Variants in RBM22 observed in about 807,000 individuals in gnomAD.
The protein encoded by RBM22 is pre-mRNA-splicing factor RBM22.
RBM22 carries 1 observed loss-of-function variant against 50.1 expected under a neutral mutation model. The observed-to-expected ratio is 0.02, with a 90% CI of 0.01 to 0.09. The LOEUF (loss-of-function observed/expected upper bound fraction) is 0.09, where lower values mean the gene tolerates loss of function less well. RBM22 is among the 10% of genes least tolerant of loss of function. The pLI, the probability that RBM22 is intolerant of heterozygous loss-of-function variation, is 1.00. For missense variants in RBM22, 264 were observed against 529.3 expected, an observed-to-expected ratio of 0.50 and a Z score of 4.92; for synonymous variants, 152 against 179.0, an observed-to-expected ratio of 0.85 and a Z score of 1.20.
At chr5:150,698,653 A>T in intron 3 of RBM22, 22 bp from the exon 4 acceptor site, 1 of 1,613,202 alleles carries the variant, frequency 6.2e-7, no homozygotes, top group Non-Finnish European at 8.5e-7. Context: ...AGCAAGAGCC[A>T]TAGAATGTCA....
At chr5:150,695,101 A>T (rs1026525579) in intron 7 of RBM22, among the ~76,000 whole-genome samples, 1 of 152,206 alleles carries the variant, frequency 6.6e-6, no homozygotes, top group Non-Finnish European at 1.5e-5. Context: ...ATCACAGCTC[A>T]CTGCAGCCTT....
chr5:150,697,976 G>GAC (rs140716152), intron 4 of RBM22, among the ~76,000 whole-genome samples: 24 of 151,970 alleles, frequency 1.6e-4, no homozygotes, highest in African/African-American at 1.9e-4. Flanking sequence ...GCAAAATAGT[G>GAC]ACACACACAC....
At position 150,696,185 on chromosome 5, in the gene RBM22, C is replaced by T. The variant is rs1463825150; in HGVS notation, c.545+348G>A. On this transcript the variant is annotated intron_variant, in intron 6 of 10. Coordinates refer to ENST00000199814, the MANE Select transcript of RBM22 (RefSeq NM_018047.3). This position sits in a 1 kb window ranked among gnomAD's most constrained non-coding sequence, Gnocchi z 4.3. ...TAATCCAGATGCTTGGCAGTCTTAACCAAAACATACACACCCTTTAGAAGT... is the reference window on the plus strand; with the variant it reads ...TAATCCAGATGCTTGGCAGTCTTAATCAAAACATACACACCCTTTAGAAGT... 1.3e-5 allele frequency among the ~76,000 whole-genome samples: 2 copies of T among 151,910 alleles called. No homozygotes were observed. The highest frequency in any genetic ancestry group is 2.4e-5 in the African/African-American group (1 of 41,332).
At chr5:150,699,894 C>A (rs913228897) in intron 2 of RBM22, among the ~76,000 whole-genome samples, 1 of 152,204 alleles carries the variant, frequency 6.6e-6, no homozygotes, top group Non-Finnish European at 1.5e-5. Context: ...ACATCTTGAA[C>A]CATTCAAACA....
At chr5:150,699,100 A>G (rs1759312419) in intron 3 of RBM22, 142 bp downstream of exon 3, 25 of 1,186,984 alleles carry the variant, frequency 2.1e-5, no homozygotes, top group Non-Finnish European at 2.9e-5. Flanking sequence ...GTTGCCAGCC[A>G]ATGAATATAT....
chr5:150,699,857 AT>A (rs1177909454), intron 2 of RBM22, among the ~76,000 whole-genome samples: 1 of 152,246 alleles, frequency 6.6e-6, no homozygotes, highest in Non-Finnish European at 1.5e-5. Flanking sequence ...AATATAGTAA[AT>A]GTTCTGTTTA....
chr5:150,695,739 T>A, intron 6 of RBM22, 33 bp from the exon 7 acceptor site: 1 of 1,536,008 alleles, frequency 6.5e-7, no homozygotes, highest in Non-Finnish European at 8.9e-7. Context: ...GGCATAAAGG[T>A]GAAACGAAGG....
At chr5:150,699,633 A>G (rs1000705188) in intron 2 of RBM22, among the ~76,000 whole-genome samples, 7 of 152,346 alleles carry the variant, frequency 4.6e-5, no homozygotes, top group African/African-American at 1.7e-4. Context: ...GAAAAAAGAA[A>G]TAGAGTATAT....
Position 150,691,836 on chromosome 5 carries a change from A to G in RBM22, c.1178T>C (p.Phe393Ser), listed in dbSNP as rs145000621. ...GTGGATTGGTCCTGGAGCCCGCATG[A>G]AAGGAGGGGGTGGTCCCATTGGGTG... ...MFHPMGPPPP[F>S]MRAPGPIHYP... The change falls in exon 11 of 11, where the codon TTC becomes TCC. Residue 393 changes from phenylalanine (F) to serine (S), a missense_variant. By Grantham distance (155) the Phe-to-Ser change is radical. Transcript: ENST00000199814. The G allele has an allele frequency of 2.4e-5, 39 of 1,601,042 alleles. No homozygotes were observed. The highest frequency in any genetic ancestry group is 3.2e-5 in the Non-Finnish European group (38 of 1,173,814).
chr5:150,691,899 C>T lies in RBM22; in HGVS notation c.1133-18G>A, dbSNP rs771108118. On this transcript the variant is annotated intron_variant, in intron 10 of 10. Transcript: ENST00000199814. ...CCCAAAACCTGCAGATACGAGAGAA[C>T]AAATGTGTTAGGCTGGTAGTTTCCT... The T allele has an allele frequency of 6.5e-7, 1 of 1,537,846 alleles. No individual in the cohort carries two copies. Among genetic ancestry groups the T allele is most frequent in the Non-Finnish European group, 8.8e-7 (1 of 1,140,664 alleles).
intron 4 of RBM22, 133 bp downstream of exon 4, chr5:150,698,366 G>T: frequency 1.7e-6 from 2 of 1,207,256 alleles, no homozygotes; most frequent in East Asian, 2.4e-5. Context: ...CTTTTCCTGG[G>T]AAAAGCAGAC....
intron 1 of RBM22, 171 bp downstream of exon 1, chr5:150,700,761 C>T (rs1759337566): frequency 1.9e-6 from 3 of 1,546,404 alleles, no homozygotes; most frequent in Non-Finnish European, 2.6e-6. Context: ...AGCCCCCTCC[C>T]TTCAAGCCCG....
At chr5:150,699,159 C>A in intron 3 of RBM22, 83 bp downstream of exon 3, 1 of 1,515,612 alleles carries the variant, frequency 6.6e-7, no homozygotes, top group African/African-American at 1.4e-5. Flanking sequence ...TGGAAGACCT[C>A]AAAACTTAGT....
rs760298553 is a variant in RBM22, at chr5:150,700,611, G to A, written c.55-114C>T. 9.6e-6 allele frequency: 15 copies of A among 1,563,370 alleles called. No homozygotes were observed. In the South Asian group the frequency reaches 1.7e-4, roughly 18 times the overall value. ...GAGGGTGGGGAACTAGGCACGGCAG[G>A]AACCCGAAGTCCATCACGACCCGAT... On this transcript the variant is annotated intron_variant, in intron 1 of 10. Coordinates refer to ENST00000199814, the MANE Select transcript of RBM22 (RefSeq NM_018047.3).
At chr5:150,700,776 A>T in intron 1 of RBM22, 156 bp downstream of exon 1, 1 of 1,557,386 alleles carries the variant, frequency 6.4e-7, no homozygotes, top group Non-Finnish European at 8.7e-7. Flanking sequence ...AGCCCGCAGG[A>T]GGATCGCCCT....
rs749494152 is a variant in RBM22, at chr5:150,691,894, G to C, written c.1133-13C>G. On this transcript the variant is annotated splice_polypyrimidine_tract_variant and intron_variant, in intron 10 of 10. Transcript: ENST00000199814. Reference sequence around the variant, plus strand: ...TGTGGCCCAAAACCTGCAGATACGAGAGAACAAATGTGTTAGGCTGGTAGT... The same window carrying C: ...TGTGGCCCAAAACCTGCAGATACGACAGAACAAATGTGTTAGGCTGGTAGT... 18 of 1,547,496 alleles carry C rather than the reference G, an allele frequency of 1.2e-5. No individual in the cohort carries two copies. Among genetic ancestry groups the C allele is most frequent in the Non-Finnish European group, 1.2e-5 (14 of 1,146,574 alleles).
intron 4 of RBM22, 90 bp downstream of exon 4, chr5:150,698,409 A>T: frequency 6.8e-7 from 1 of 1,466,132 alleles, no homozygotes; most frequent in Non-Finnish European, 9.3e-7. Context: ...AATCAGAACC[A>T]GAGCTAGGGT....
intron 3 of RBM22, among the ~76,000 whole-genome samples, chr5:150,698,957 C>T (rs1328830404): frequency 6.6e-6 from 1 of 152,088 alleles, no homozygotes; most frequent in Admixed American, 6.5e-5. Context: ...CAAGAATGAC[C>T]TTCCTCCTCA....
chr5:150,700,353 T>C, intron 2 of RBM22, 91 bp downstream of exon 2: 1 of 1,298,832 alleles, frequency 7.7e-7, no homozygotes, highest in Non-Finnish European at 1.1e-6. Flanking sequence ...AGCATCATTT[T>C]TTCTGCTTGT....
Sources: gnomAD v4.1 joint callset for allele counts (sites outside exome capture counted in the v4.1 genomes callset) on GRCh38, gnomAD v4.1.1 for gene constraint, Gnocchi (gnomAD v3.1) non-coding constraint, MANE v1.5 for transcripts, NCBI Gene and HGNC (gene_info 2026-07-23, HGNC 2026-07-21) for gene names.